ZNF566: variants seen among roughly 807,000 people sequenced by gnomAD.
The protein encoded by ZNF566 is zinc finger protein 566.
ZNF566 carries 27 observed loss-of-function variants against 32.8 expected under a neutral mutation model. The ratio of observed to expected loss-of-function variants is 0.82; its 90% CI spans 0.61 to 1.14. The LOEUF (loss-of-function observed/expected upper bound fraction) is 1.14, where lower values mean the gene tolerates loss of function less well. Ranked by LOEUF, ZNF566 falls within the 50% of genes most tolerant of loss-of-function variation. The pLI is 0.00. For missense variants in ZNF566, 402 were observed against 490.4 expected, an observed-to-expected ratio of 0.82 and a Z score of 1.70; for synonymous variants, 154 against 159.5, an observed-to-expected ratio of 0.97 and a Z score of 0.26.
At position 36,448,370 on chromosome 19, in the gene ZNF566, A is replaced by T. The variant is rs2033047735; in HGVS notation, c.*607T>A. 6.6e-6 allele frequency: 1 copy of T among 152,192 alleles called. No individual in the cohort carries two copies. The highest frequency in any genetic ancestry group is 2.4e-5 in the African/African-American group (1 of 41,466). 9.4% of individuals were successfully genotyped at this position (152,192 alleles called of 1,614,324 possible). On this transcript the variant is annotated 3_prime_UTR_variant, in exon 5 of 5. Coordinates refer to ENST00000452939, the MANE Select transcript of ZNF566 (RefSeq NM_001145344.1). ...TCATAAGTGATATTACAGTAACACA[A>T]CAAAACACCATGAAGATAATGAAGA...
chr19:36,463,849 C>T (rs1183741327), intron 4 of ZNF566, among the ~76,000 whole-genome samples: 2 of 151,888 alleles, frequency 1.3e-5, no homozygotes, highest in Admixed American at 1.3e-4. Context: ...CCTCAGCCTC[C>T]CGAGTAGCTG....
intron 4 of ZNF566, among the ~76,000 whole-genome samples, chr19:36,458,334 A>G (rs1445677019): frequency 1.3e-5 from 2 of 152,318 alleles, no homozygotes; most frequent in Non-Finnish European, 2.9e-5. Context: ...CTTAAAAATG[A>G]AGAAAATCCT....
At chr19:36,486,671 C>CAAA (rs759281599) in intron 1 of ZNF566, among the ~76,000 whole-genome samples, 9 of 80,934 alleles carry the variant, frequency 1.1e-4, no homozygotes, top group South Asian at 4.4e-4. Flanking sequence ...AACTCTGTCT[C>CAAA]AAAAAAAAAA....
Position 36,446,499 on chromosome 19 carries a change from G to GCCT in ZNF566, c.*2475_*2477dup, listed in dbSNP as rs1460702484. The GCCT allele has an allele frequency of 6.6e-6, 1 of 152,188 alleles. No homozygotes were observed. Among genetic ancestry groups the GCCT allele is most frequent in the East Asian group, 1.9e-4 (1 of 5,188 alleles). The allele number at this position is 152,188 out of a possible 1,614,324, so 9.4% of individuals were successfully genotyped here. A position where few individuals can be genotyped will look rare whatever the true frequency, so the allele number is the denominator to read the frequency against. ...ATTGGCCAGGCTGCCCCCTGCCTTG[G>GCCT]CCTCCCAAAGCACTGGGATTACAGG... On this transcript the variant is annotated 3_prime_UTR_variant, in exon 5 of 5. Coordinates refer to ENST00000452939, the MANE Select transcript of ZNF566 (RefSeq NM_001145344.1).
chr19:36,456,045 G>GAA (rs911976465), intron 4 of ZNF566, among the ~76,000 whole-genome samples: 2 of 138,152 alleles, frequency 1.4e-5, no homozygotes, highest in Non-Finnish European at 3.2e-5. Flanking sequence ...TCTCAAAAAA[G>GAA]AAAAAAAAAA....
intron 1 of ZNF566, among the ~76,000 whole-genome samples, chr19:36,480,278 A>AT (rs972968387): frequency 2.9e-5 from 4 of 136,980 alleles, no homozygotes; most frequent in East Asian, 4.0e-4. Context: ...ACTCCATGCA[A>AT]TTTTTTTTTC....
chr19:36,449,186 A>G lies in ZNF566; in HGVS notation c.1048T>C (p.Ser350Pro). ...TGATGTCTAGTAAGGTCTGAGCCAG[A>G]ACGAAAAGCCTTTTCACATTCCTTA... ...ECKECEKAFR[S>P]GSDLTRHQRI... Residue 350 changes from serine (S) to proline (P), a missense_variant, in exon 5 of 5, where the codon TCT becomes CCT. Ser to Pro is a moderately conservative substitution (Grantham distance 74). This residue lies in a region of ZNF566 where 135 missense variants were observed against 210.0 expected (regional missense o/e 0.64). Coordinates refer to ENST00000452939, the MANE Select transcript of ZNF566 (RefSeq NM_001145344.1). 6.2e-7 allele frequency: 1 copy of G among 1,613,964 alleles called. No individual in the cohort carries two copies. The highest frequency in any genetic ancestry group is 8.5e-7 in the Non-Finnish European group (1 of 1,179,954).
intron 1 of ZNF566, among the ~76,000 whole-genome samples, chr19:36,477,032 ACAGAGT>A: frequency 6.6e-6 from 1 of 151,622 alleles, no homozygotes; most frequent in South Asian, 2.1e-4. Flanking sequence ...TCTTTTTGAG[ACAGAGT>A]CTCACTCTGT....
intron 1 of ZNF566, among the ~76,000 whole-genome samples, chr19:36,484,340 T>C (rs1172349762): frequency 1.3e-5 from 2 of 152,204 alleles, no homozygotes; most frequent in African/African-American, 4.8e-5. Context: ...AGTTCGTCCA[T>C]AAGGACTCAA....
At chr19:36,467,247 AAC>A (rs924080880) in intron 4 of ZNF566, among the ~76,000 whole-genome samples, 2 of 150,522 alleles carry the variant, frequency 1.3e-5, no homozygotes, top group Non-Finnish European at 2.9e-5. Flanking sequence ...CATCCTGGCT[AAC>A]ACAGTGAAAC....
intron 2 of ZNF566, among the ~76,000 whole-genome samples, chr19:36,475,342 G>A (rs911098199): frequency 3.3e-5 from 5 of 152,122 alleles, no homozygotes; most frequent in African/African-American, 1.2e-4. Context: ...TTTGGCCACT[G>A]ACATCAATTT....
At position 36,450,120 on chromosome 19, in the gene ZNF566, G is replaced by A. The variant is rs374918147; in HGVS notation, c.233-119C>T. Reference sequence around the variant, plus strand: ...TACAAATGGATGAGGAAAAAAGAGAGTTAGAAGACAGGTTACATAATAAGA... The same window carrying A: ...TACAAATGGATGAGGAAAAAAGAGAATTAGAAGACAGGTTACATAATAAGA... On this transcript the variant is annotated intron_variant, in intron 4 of 4. Transcript: ENST00000452939. The A allele has an allele frequency of 1.5e-4, 117 of 774,584 alleles. No individual in the cohort carries two copies. In the African/African-American group the frequency reaches 1.8e-3, roughly 12 times the overall value. 48.0% of individuals were successfully genotyped at this position (774,584 alleles called of 1,614,324 possible). A position where few individuals can be genotyped will look rare whatever the true frequency, so the allele number is the denominator to read the frequency against.
chr19:36,473,474 C>T lies in ZNF566; in HGVS notation c.10-16G>A, dbSNP rs2967540. The T allele has an allele frequency of 0.25, 377,074 of 1,537,798 alleles. 47,197 individuals carry two copies. The highest frequency in any genetic ancestry group is 0.35 in the South Asian group (27,701 of 79,130). On this transcript the variant is annotated splice_polypyrimidine_tract_variant and intron_variant, in intron 2 of 4. Transcript: ENST00000452939. ...TCACTGACTCCTGGAACAATAACCA[C>T]GTATATGACTTCATTAATTTTTTAA...
intron 1 of ZNF566, among the ~76,000 whole-genome samples, chr19:36,486,363 T>C (rs2145715181): frequency 6.6e-6 from 1 of 152,274 alleles, no homozygotes; most frequent in Non-Finnish European, 1.5e-5. Flanking sequence ...CCTTATACTA[T>C]GTTCACAACA....
intron 1 of ZNF566, among the ~76,000 whole-genome samples, chr19:36,481,165 G>A (rs904789053): frequency 2.0e-5 from 3 of 152,004 alleles, no homozygotes; most frequent in Middle Eastern, 6.8e-3. Flanking sequence ...CTCATAATGA[G>A]AGAAATAAGA....
intron 4 of ZNF566, among the ~76,000 whole-genome samples, chr19:36,455,367 T>C (rs893776446): frequency 2.0e-5 from 3 of 152,108 alleles, no homozygotes; most frequent in African/African-American, 7.2e-5. Flanking sequence ...TTTCATTCCT[T>C]TTAGGCAATA....
In ZNF566 at chr19:36,476,735, T is replaced by A. The variant is rs16971154; in HGVS notation, c.-59-119A>T. ...GCTTGTGGGGTATCAGTGAGGAGAA[T>A]GGGCAAATGTCTCTATCATCCCTAG... On this transcript the variant is annotated intron_variant, in intron 1 of 4. Transcript: ENST00000452939. The A allele has an allele frequency of 5.1e-3, 3,783 of 741,034 alleles. 85 individuals are homozygous for A. Among genetic ancestry groups the A allele is most frequent in the African/African-American group, 0.046 (2,612 of 56,370 alleles). The allele number at this position is 741,034 out of a possible 1,614,324, so 45.9% of individuals were successfully genotyped here. A position where few individuals can be genotyped will look rare whatever the true frequency, so the allele number is the denominator to read the frequency against.
intron 2 of ZNF566, among the ~76,000 whole-genome samples, chr19:36,475,948 T>G (rs1256911274): frequency 6.6e-6 from 1 of 152,172 alleles, no homozygotes; most frequent in Non-Finnish European, 1.5e-5. Flanking sequence ...TAATCTAAAT[T>G]AAAACTTCTT....
chr19:36,455,103 C>T (rs972510082), intron 4 of ZNF566, among the ~76,000 whole-genome samples: 8 of 152,262 alleles, frequency 5.3e-5, no homozygotes, highest in African/African-American at 1.9e-4. Flanking sequence ...TACACCACAT[C>T]CTAAAACCAT....
Sources: gnomAD v4.1 joint callset for allele counts (sites outside exome capture counted in the v4.1 genomes callset) on GRCh38, gnomAD v4.1.1 for gene constraint, gnomAD v4.1.1 regional missense constraint, MANE v1.5 for transcripts, NCBI Gene and HGNC (gene_info 2026-07-23, HGNC 2026-07-21) for gene names.